The following UBE2W variants were observed in gnomAD, a reference collection of about 807,000 sequenced individuals.
The protein encoded by UBE2W is ubiquitin conjugating enzyme E2 W, also known as ubiquitin-conjugating enzyme E2 W.
Under a neutral mutation model 27.2 loss-of-function variants are expected in UBE2W, and 18 were observed. The ratio of observed to expected loss-of-function variants is 0.66; its 90% CI spans 0.46 to 0.98. The LOEUF is 0.98. Ranked by LOEUF, UBE2W falls within the 50% of genes least tolerant of loss-of-function variation. The probability of loss-of-function intolerance (pLI) is 0.00; values close to 1 mark genes in which losing one functional copy is unlikely to be tolerated. For synonymous variants in UBE2W, 53 were observed against 57.2 expected, an observed-to-expected ratio of 0.93 and a Z score of 0.33; for missense variants, 90 against 180.2, an observed-to-expected ratio of 0.50 and a Z score of 2.87.
At chr8:73,821,176 G>C (rs1211844731) in intron 3 of UBE2W, among the ~76,000 whole-genome samples, 4 of 152,092 alleles carry the variant, frequency 2.6e-5, no homozygotes, top group Non-Finnish European at 5.9e-5. Flanking sequence ...TTTGGGTCTT[G>C]ACTGTCCTAT....
At chr8:73,837,770 C>G (rs973827778) in intron 1 of UBE2W, among the ~76,000 whole-genome samples, 4 of 152,186 alleles carry the variant, frequency 2.6e-5, no homozygotes, top group East Asian at 3.9e-4. Context: ...TGATTCTTAT[C>G]TTGGTATTTA....
At position 73,860,250 on chromosome 8, in the gene UBE2W, C is replaced by T. The variant is rs1477379737; in HGVS notation, c.15+18558G>A. ...AAAGATGTGTATCATTAACAGGAAG[C>T]TTACCCTGATTTTTAAATGCTGTAT... On this transcript the variant is annotated intron_variant, in intron 1 of 5. Coordinates refer to ENST00000602593, the MANE Select transcript of UBE2W (RefSeq NM_018299.6). 3.3e-5 allele frequency among the ~76,000 whole-genome samples: 5 copies of T among 152,256 alleles called. No homozygotes were observed. The East Asian group carries it at 9.6e-4, about 29-fold the overall frequency.
intron 2 of UBE2W, among the ~76,000 whole-genome samples, chr8:73,827,779 A>G (rs1297177108): frequency 6.6e-6 from 1 of 151,906 alleles, no homozygotes; most frequent in African/African-American, 2.4e-5. Context: ...GGCTCAAGGG[A>G]TCCTCCTGCC....
chr8:73,852,226 T>TC (rs1258311932), intron 1 of UBE2W, among the ~76,000 whole-genome samples: 2 of 152,138 alleles, frequency 1.3e-5, no homozygotes, highest in Non-Finnish European at 2.9e-5. Flanking sequence ...CAATGACTAT[T>TC]CCCTTTAAAT....
rs182981851 is a variant in UBE2W, at chr8:73,833,054, G to T, written c.16-2582C>A. Among the ~76,000 whole-genome samples the T allele has an allele frequency of 1.6e-4, 25 of 151,998 alleles. No homozygotes were observed. In the East Asian group the frequency reaches 4.8e-3, roughly 29 times the overall value. On this transcript the variant is annotated intron_variant, in intron 1 of 5. Coordinates refer to ENST00000602593, the MANE Select transcript of UBE2W (RefSeq NM_018299.6). ...AAAAAAATTAGCCAGGCGTGGTGGC[G>T]CGTGCCTGTAGTCCCAGCTACTCAA...
At chr8:73,840,224 T>C (rs527583448) in intron 1 of UBE2W, among the ~76,000 whole-genome samples, 2 of 151,912 alleles carry the variant, frequency 1.3e-5, no homozygotes, top group Non-Finnish European at 2.9e-5. Flanking sequence ...ACCTGGCTAA[T>C]TTTTTGTATT....
intron 1 of UBE2W, among the ~76,000 whole-genome samples, chr8:73,848,339 A>G (rs1466352359): frequency 3.3e-5 from 5 of 152,176 alleles, no homozygotes; most frequent in Non-Finnish European, 2.9e-5. Context: ...AATATACAGT[A>G]TAATTTCATT....
At chr8:73,869,908 G>T (rs79166826) in intron 1 of UBE2W, among the ~76,000 whole-genome samples, 35 of 152,050 alleles carry the variant, frequency 2.3e-4, no homozygotes, top group African/African-American at 8.0e-4. Context: ...GGCACAAAAG[G>T]TCATATATAA....
At chr8:73,859,496 T>C (rs1811455849) in intron 1 of UBE2W, among the ~76,000 whole-genome samples, 1 of 152,142 alleles carries the variant, frequency 6.6e-6, no homozygotes, top group South Asian at 2.1e-4. Context: ...ACAGAGTACT[T>C]AATGAATAGT....
chr8:73,833,384 A>G (rs1282257752), intron 1 of UBE2W, among the ~76,000 whole-genome samples: 2 of 151,820 alleles, frequency 1.3e-5, no homozygotes, highest in Non-Finnish European at 2.9e-5. Flanking sequence ...TTTTATATGT[A>G]TAATTTTTAA....
At chr8:73,826,066 C>A (rs923878663) in intron 2 of UBE2W, among the ~76,000 whole-genome samples, 1 of 151,930 alleles carries the variant, frequency 6.6e-6, no homozygotes, top group African/African-American at 2.4e-5. Context: ...ATTAACAGGG[C>A]AAGGGGAGCT....
chr8:73,867,169 A>G (rs1287781096), intron 1 of UBE2W, among the ~76,000 whole-genome samples: 3 of 151,952 alleles, frequency 2.0e-5, no homozygotes, highest in African/African-American at 7.3e-5. Flanking sequence ...GGGAGGCTGC[A>G]GTGGGTGGAT....
chr8:73,857,248 A>G (rs181679177), intron 1 of UBE2W, among the ~76,000 whole-genome samples: 1 of 150,498 alleles, frequency 6.6e-6, no homozygotes, highest in Non-Finnish European at 1.5e-5. Context: ...AACAAGTAGG[A>G]AAAAAAAAAT....
chr8:73,850,186 T>C (rs1052655333), intron 1 of UBE2W, among the ~76,000 whole-genome samples: 2 of 152,234 alleles, frequency 1.3e-5, no homozygotes, highest in African/African-American at 2.4e-5. Flanking sequence ...TACTCAATTA[T>C]TCTTATTAGC....
chr8:73,821,471 A>AG (rs1308797446), intron 3 of UBE2W, among the ~76,000 whole-genome samples: 3 of 137,898 alleles, frequency 2.2e-5, no homozygotes, highest in Non-Finnish European at 4.6e-5. Context: ...TTTTACTGTC[A>AG]GGGGGTGAGG....
In UBE2W at chr8:73,788,789, C is replaced by G. The variant is rs1216573525; in HGVS notation, c.*5313G>C. 1 of 985,124 alleles carries G rather than the reference C, an allele frequency of 1.0e-6. No individual in the cohort carries two copies. The highest frequency in any genetic ancestry group is 1.1e-4 in the East Asian group (1 of 8,814). The allele number at this position is 985,124 out of a possible 1,614,324, so 61.0% of individuals were successfully genotyped here. ...TGTAGGACCATCCTTTTCTCAAAAC[C>G]CAGAGAGTGTATGTGCCAAGGACTA... On this transcript the variant is annotated 3_prime_UTR_variant, in exon 6 of 6. Coordinates refer to ENST00000602593, the MANE Select transcript of UBE2W (RefSeq NM_018299.6).
chr8:73,874,464 A>G (rs865793538), intron 1 of UBE2W, among the ~76,000 whole-genome samples: 35 of 152,136 alleles, frequency 2.3e-4, no homozygotes, highest in Non-Finnish European at 1.3e-4. Context: ...TTAAAAAAGC[A>G]TTTAACAACA....
chr8:73,794,052 T>A lies in UBE2W; in HGVS notation c.*50A>T. 6.2e-7 allele frequency: 1 copy of A among 1,611,784 alleles called. No homozygotes were observed. Among genetic ancestry groups the A allele is most frequent in the Non-Finnish European group, 8.5e-7 (1 of 1,179,072 alleles). The stretch of plus-strand genomic sequence containing the variant: ...TTCAAAGACTGAATGATCAAAGTGC[T>A]CATTTTCTCAGTAGGACTATCTTCT... On this transcript the variant is annotated 3_prime_UTR_variant, in exon 6 of 6. Coordinates refer to ENST00000602593, the MANE Select transcript of UBE2W (RefSeq NM_018299.6).
At chr8:73,820,612 A>G (rs1027201752) in intron 3 of UBE2W, among the ~76,000 whole-genome samples, 1 of 152,086 alleles carries the variant, frequency 6.6e-6, no homozygotes, top group African/African-American at 2.4e-5. Context: ...ATGGTGGTGC[A>G]TACCTGTAGT....
Sources: allele counts gnomAD v4.1 joint callset (sites outside exome capture counted in the v4.1 genomes callset), GRCh38; gene constraint gnomAD v4.1.1; transcripts MANE v1.5; gene names NCBI Gene and HGNC (gene_info 2026-07-23, HGNC 2026-07-21).